GGT1: variants seen among roughly 807,000 people sequenced by gnomAD.
GGT1 encodes glutathione hydrolase 1 proenzyme.
A neutral mutation model predicts 56.0 loss-of-function variants in GGT1; 21 were observed. The ratio of observed to expected loss-of-function variants is 0.38; its 90% CI spans 0.27 to 0.54. GGT1 has a LOEUF of 0.54. Ranked by LOEUF, GGT1 falls within the 20% of genes least tolerant of loss-of-function variation. GGT1 has a pLI of 0.82. For synonymous variants in GGT1, 238 were observed against 342.6 expected, an observed-to-expected ratio of 0.69 and a Z score of 3.37; for missense variants, 466 against 787.0, an observed-to-expected ratio of 0.59 and a Z score of 4.88.
the GGT1 span, among the ~76,000 whole-genome samples, chr22:24,587,035 T>C: frequency 1.3e-5 from 2 of 152,204 alleles, no homozygotes; most frequent in Non-Finnish European, 2.9e-5. Context: ...TTCAGATAGG[T>C]GAAGTAACTC....
At chr22:24,592,449 T>A, upstream of GGT1, 1 of 469,572 alleles carries the variant, frequency 2.1e-6, no homozygotes, top group Non-Finnish European at 4.4e-6. Flanking sequence ...GTTACCCTCT[T>A]CCATTGTCTC....
chr22:24,609,930 A>G (rs2147313007), intron 2 of GGT1, 35 bp from the exon 3 acceptor site: 1 of 451,150 alleles, frequency 2.2e-6, no homozygotes, highest in Non-Finnish European at 4.6e-6. Context: ...CCCTGCCCAC[A>G]GTCTAACCTA....
At chr22:24,607,779 G>C in intron 1 of GGT1, 175 bp from the exon 2 acceptor site, 2 of 338,936 alleles carry the variant, frequency 5.9e-6, no homozygotes, top group Non-Finnish European at 1.2e-5. Context: ...CCCTGCCTCT[G>C]CTCCTCCTCG....
chr22:24,589,377 C>CT, the GGT1 span: 1 of 1,125,100 alleles, frequency 8.9e-7, no homozygotes, highest in Non-Finnish European at 1.1e-6. Context: ...GCAAGGGTGT[C>CT]TGTACAGGAT....
chr22:24,604,204 G>A (rs1010186872), intron 1 of GGT1, among the ~76,000 whole-genome samples: 22 of 150,796 alleles, frequency 1.5e-4, no homozygotes, highest in Non-Finnish European at 3.2e-4. Context: ...TAAGGGGTGG[G>A]TGGGTCCTGG....
Position 24,605,023 on chromosome 22 carries a change from C to CATATATATAT in GGT1, c.-429+1500_-429+1509dup, listed in dbSNP as rs1286788943. ...ACCTGCTGCTGTGAATCCTGTATGT[C>CATATATATAT]ATATATATATATAAAATATGTAATA... On this transcript the variant is annotated intron_variant, in intron 1 of 15. Coordinates refer to ENST00000400382, the MANE Select transcript of GGT1 (RefSeq NM_001288833.2). 2.3e-4 allele frequency among the ~76,000 whole-genome samples: 15 copies of CATATATATAT among 64,970 alleles called. 3 individuals are homozygous for CATATATATAT. The African/African-American group carries it at 2.4e-3, about 10-fold the overall frequency. The allele number at this position is 64,970 out of a possible 152,430, so 42.6% of individuals were successfully genotyped here. A position where few individuals can be genotyped will look rare whatever the true frequency, so the allele number is the denominator to read the frequency against.
chr22:24,585,801 G>T, the GGT1 span: 1 of 1,317,578 alleles, frequency 7.6e-7, no homozygotes, highest in Admixed American at 2.6e-5. Flanking sequence ...CTGGGGGCCT[G>T]TGAGTCCTCC....
chr22:24,588,489 C>T, the GGT1 span: 1 of 757,838 alleles, frequency 1.3e-6, no homozygotes, highest in Non-Finnish European at 2.1e-6. Flanking sequence ...ACCCCCCAAC[C>T]CGGCTGTGGC....
intron 5 of GGT1, among the ~76,000 whole-genome samples, chr22:24,612,112 G>A (rs1178931122): frequency 1.3e-5 from 2 of 151,874 alleles, no homozygotes; most frequent in African/African-American, 4.8e-5. Flanking sequence ...CCTAATTATG[G>A]TGTTTTTAGT....
chr22:24,592,128 C>T (rs148507877), upstream of GGT1: 3,111 of 375,832 alleles, frequency 8.3e-3, 98 homozygotes, highest in African/African-American at 0.059. Flanking sequence ...GGGGTGGGGA[C>T]GGGGTGGTGA....
chr22:24,607,119 C>T (rs2046369628), intron 1 of GGT1, among the ~76,000 whole-genome samples: 1 of 152,194 alleles, frequency 6.6e-6, no homozygotes, highest in Admixed American at 6.5e-5. Flanking sequence ...GAGCTTGGGC[C>T]AGCTCAGGCC....
At chr22:24,587,540 G>A in the GGT1 span, among the ~76,000 whole-genome samples, 1 of 152,100 alleles carries the variant, frequency 6.6e-6, no homozygotes, top group African/African-American at 2.4e-5. Flanking sequence ...GCAGACAGGG[G>A]AGGCCTGCTA....
rs891451023 is a variant in GGT1, at chr22:24,623,889, G to A, written c.993G>A (p.Gly331=). The change falls in exon 11 of 16, where the codon GGG becomes GGA. Residue 331 remains glycine (G), a synonymous_variant. Transcript: ENST00000400382. ...CCTACGCCAAGAGGACCCTGCTTGG[G>A]GACCCCAAGTTTGTGGATGTGACTG... is the stretch of plus-strand genomic sequence containing the variant. ...RFAYAKRTLL[G]DPKFVDVTEV... The A allele has an allele frequency of 6.2e-7, 1 of 1,611,326 alleles. No homozygotes were observed. The highest frequency in any genetic ancestry group is 1.3e-5 in the African/African-American group (1 of 74,824).
rs57063182 is a variant in GGT1 at position 24,627,703 on chromosome 22, C to T, written c.1208+84C>T. 5.4e-3 allele frequency: 8,385 copies of T among 1,561,694 alleles called. 289 individuals are homozygous for T. The African/African-American group carries it at 0.1, about 19-fold the overall frequency. ...GCCCACTTATCCAGTAAGGTGGCTC[C>T]GTCACCTCTTTTCCTGGTGGGAAAC... On this transcript the variant is annotated intron_variant, in intron 12 of 15. Transcript: ENST00000400382.
intron 5 of GGT1, 145 bp from the exon 6 acceptor site, chr22:24,614,631 A>G: frequency 1.5e-6 from 1 of 682,616 alleles, no homozygotes; most frequent in Non-Finnish European, 2.5e-6. Context: ...AAAAAAAAAA[A>G]GAAAGAAAGA....
chr22:24,612,244 CTTTTTTTTT>C (rs796939700), intron 5 of GGT1, among the ~76,000 whole-genome samples: 6 of 75,384 alleles, frequency 8.0e-5, no homozygotes, highest in African/African-American at 1.2e-4. Flanking sequence ...CCGGCTTATT[CTTTTTTTTT>C]TTTTTTTTTT....
upstream of GGT1, among the ~76,000 whole-genome samples, chr22:24,591,881 C>T (rs2045577742): frequency 6.6e-6 from 1 of 152,230 alleles, no homozygotes; most frequent in African/African-American, 2.4e-5. Flanking sequence ...TCCTCTTAAA[C>T]GGACAGCTCC....
upstream of GGT1, chr22:24,590,100 C>A (rs2045524399): frequency 3.3e-6 from 3 of 917,960 alleles, no homozygotes; most frequent in Non-Finnish European, 4.7e-6. Flanking sequence ...GGCCATGGGC[C>A]AACAGTCCAG....
intron 1 of GGT1, among the ~76,000 whole-genome samples, chr22:24,605,729 A>G (rs1472017452): frequency 1.4e-5 from 1 of 69,124 alleles, no homozygotes; most frequent in Non-Finnish European, 2.1e-5. Flanking sequence ...TATATATTAT[A>G]TAATATTATA....
Sources: allele counts gnomAD v4.1 joint callset (sites outside exome capture counted in the v4.1 genomes callset), GRCh38; gene constraint gnomAD v4.1.1; transcripts MANE v1.5; gene names NCBI Gene and HGNC (gene_info 2026-07-23, HGNC 2026-07-21).